The following DDX42 variants were observed in gnomAD, a reference collection of about 807,000 sequenced individuals.
The protein encoded by DDX42 is DEAD-box helicase 42, also known as ATP-dependent RNA helicase DDX42.
A neutral mutation model predicts 101.5 loss-of-function variants in DDX42; 22 were observed. The ratio of observed to expected loss-of-function variants is 0.22; its 90% CI spans 0.15 to 0.31. The LOEUF (loss-of-function observed/expected upper bound fraction) is 0.31, where lower values mean the gene tolerates loss of function less well. DDX42 is among the 10% of genes least tolerant of loss of function. The pLI is 1.00. For synonymous variants in DDX42, 402 were observed against 401.2 expected, an observed-to-expected ratio of 1.00 and a Z score of -0.02; for missense variants, 849 against 1,199.9, an observed-to-expected ratio of 0.71 and a Z score of 4.32.
chr17:63,797,352 C>A (rs1402687704), intron 3 of DDX42, among the ~76,000 whole-genome samples: 438 of 99,748 alleles, frequency 4.4e-3, no homozygotes, highest in Middle Eastern at 5.1e-3. Flanking sequence ...AACTCCATCT[C>A]AAAAAAAAAA....
chr17:63,808,473 C>T (rs1213975741), intron 9 of DDX42, among the ~76,000 whole-genome samples: 1 of 152,098 alleles, frequency 6.6e-6, no homozygotes, highest in Non-Finnish European at 1.5e-5. Flanking sequence ...TGTGCCCGGC[C>T]AGAACTACTT....
Position 63,806,553 on chromosome 17 carries a change from C to G in DDX42, c.745C>G (p.Pro249Ala). 6.2e-7 allele frequency: 1 copy of G among 1,613,236 alleles called. No homozygotes were observed. Among genetic ancestry groups the G allele is most frequent in the African/African-American group, 1.3e-5 (1 of 74,984 alleles). The change falls in exon 8 of 18, where the codon CCT (proline) becomes GCT (alanine). Residue 249 changes from proline to alanine, a missense_variant. Pro to Ala is a conservative substitution (Grantham distance 27). This residue lies in a region of DDX42 where 370 missense variants were observed against 608.8 expected (regional missense o/e 0.61). Coordinates refer to ENST00000389924, the MANE Select transcript of DDX42 (RefSeq NM_203499.3). ...TCTCTAGGTCTCTGGTGCTGCACCT[C>G]CTAGACCAGGAAGTAGCTTTGCTCA... ...LNLRVSGAAP[P>A]RPGSSFAHFG...
chr17:63,801,506 A>C (rs2039769259), intron 6 of DDX42, among the ~76,000 whole-genome samples: 1 of 151,724 alleles, frequency 6.6e-6, no homozygotes, highest in Non-Finnish European at 1.5e-5. Flanking sequence ...GGTGCACACC[A>C]CTGTACCTGG....
chr17:63,794,063 T>C (rs2039662375), intron 3 of DDX42, among the ~76,000 whole-genome samples: 1 of 152,036 alleles, frequency 6.6e-6, no homozygotes. Context: ...CCAAAATCTG[T>C]CAATCTTTAT....
Position 63,774,240 on chromosome 17 carries a change from T to TGGTGGCGGC in DDX42, c.-150_-142dup, listed in dbSNP as rs1206315100. The TGGTGGCGGC allele has an allele frequency of 1.0e-5, 2 of 190,892 alleles. No individual in the cohort carries two copies. Among genetic ancestry groups the TGGTGGCGGC allele is most frequent in the African/African-American group, 2.3e-4 (2 of 8,554 alleles). 11.8% of individuals were successfully genotyped at this position (190,892 alleles called of 1,614,324 possible). The stretch of plus-strand genomic sequence containing the variant: ...GTGGCGGTGGCGGCGGCGGTGGTGG[T>TGGTGGCGGC]GGTGGCGGCGGCGGCGGCGAAGGGG... On this transcript the variant is annotated 5_prime_UTR_variant, in exon 1 of 18. Transcript: ENST00000389924.
At chr17:63,791,269 TAAG>T (rs1031740911) in intron 2 of DDX42, among the ~76,000 whole-genome samples, 1 of 152,328 alleles carries the variant, frequency 6.6e-6, no homozygotes, top group African/African-American at 2.4e-5. Context: ...TCTGAATACT[TAAG>T]TAGTATCTTA....
intron 1 of DDX42, among the ~76,000 whole-genome samples, chr17:63,785,536 AGG>A (rs34435849): frequency 6.7e-5 from 10 of 148,950 alleles, no homozygotes; most frequent in Non-Finnish European, 1.5e-4. Context: ...CAGATGTGAG[AGG>A]GGGGGGTCTC....
chr17:63,786,226 C>T (rs2039545842), intron 1 of DDX42, among the ~76,000 whole-genome samples: 1 of 152,008 alleles, frequency 6.6e-6, no homozygotes, highest in South Asian at 2.1e-4. Context: ...ACAATGTCAA[C>T]TTTTGTGGGT....
At position 63,813,224 on chromosome 17, in the gene DDX42, T is replaced by G; in HGVS notation, c.1676-4T>G. ...TAAAAGAATTTGGTTGCTTTTTATT[T>G]CAGCCCGTGGTCTGGACATTCCTTC... On this transcript the variant is annotated splice_region_variant and splice_polypyrimidine_tract_variant and intron_variant, in intron 14 of 17. Transcript: ENST00000389924. 1 of 1,585,204 alleles carries G rather than the reference T, an allele frequency of 6.3e-7. No individual in the cohort carries two copies. The highest frequency in any genetic ancestry group is 8.6e-7 in the Non-Finnish European group (1 of 1,161,484).
chr17:63,780,573 A>C (rs1354161116), intron 1 of DDX42, among the ~76,000 whole-genome samples: 1 of 152,208 alleles, frequency 6.6e-6, no homozygotes, highest in African/African-American at 2.4e-5. Context: ...CATAGAGCTA[A>C]CATTCTACTC....
chr17:63,813,141 G>A, intron 14 of DDX42, 87 bp from the exon 15 acceptor site: 1 of 1,261,828 alleles, frequency 7.9e-7, no homozygotes, highest in East Asian at 2.5e-5. Context: ...TAAAGGAAAT[G>A]TGGCTTATTA....
intron 1 of DDX42, chr17:63,774,594 T>G: frequency 6.4e-6 from 1 of 155,864 alleles, no homozygotes; most frequent in Non-Finnish European, 1.4e-5. Context: ...CAGCTCCCGC[T>G]TCCCTCACAA....
In DDX42 at chr17:63,787,178, C is replaced by A; in HGVS notation, c.129C>A (p.Ser43Arg). The change falls in exon 2 of 18, where the codon AGC becomes AGA. Residue 43 changes from serine to arginine, a missense_variant. Ser to Arg is a moderately radical substitution (Grantham distance 110). Transcript: ENST00000389924. ...CCCACAGTGCCTTTGGGGCAACCAG[C>A]TCTTCTTCTGGATTTGGAAAGTCAG... ...QQSHSAFGAT[S>R]SSSGFGKSAP... The A allele has an allele frequency of 6.2e-7, 1 of 1,614,166 alleles. No homozygotes were observed. The highest frequency in any genetic ancestry group is 2.2e-5 in the East Asian group (1 of 44,884).
At chr17:63,808,402 G>A (rs2039868629) in intron 9 of DDX42, among the ~76,000 whole-genome samples, 1 of 152,140 alleles carries the variant, frequency 6.6e-6, no homozygotes, top group Admixed American at 6.5e-5. Context: ...TCAAACTCCT[G>A]ACCTCAAGTG....
chr17:63,784,296 T>C (rs2144530460), intron 1 of DDX42, among the ~76,000 whole-genome samples: 1 of 152,342 alleles, frequency 6.6e-6, no homozygotes, highest in Admixed American at 6.5e-5. Context: ...TTAATTTTTC[T>C]TACTAATGGT....
intron 16 of DDX42, 43 bp downstream of exon 16, chr17:63,815,716 A>G (rs2144592026): frequency 1.5e-6 from 2 of 1,365,348 alleles, no homozygotes; most frequent in East Asian, 2.4e-5. Flanking sequence ...AGTTGGTCTC[A>G]TGTCCTGAAA....
Position 63,817,763 on chromosome 17 carries a change from G to A in DDX42, c.2182G>A (p.Ala728Thr). Residue 728 changes from alanine (A) to threonine (T), a missense_variant, in exon 18 of 18, where the codon GCA (alanine) becomes ACA (threonine). By Grantham distance (58) the Ala-to-Thr change is moderately conservative (BLOSUM62 0). Around this residue, in one of 5 missense-constraint regions of DDX42, gnomAD observed 300 missense variants for 304.9 expected, o/e 0.98. Coordinates refer to ENST00000389924, the MANE Select transcript of DDX42 (RefSeq NM_203499.3). ...GAAGGCTGGAAGTTCTGCTGCTGGG[G>A]CAAGTGGGTGGACTAGTGCAGGGAG... The part of the protein sequence containing the change: ...NQKAGSSAAG[A>T]SGWTSAGSLN... 6.2e-7 allele frequency: 1 copy of A among 1,614,194 alleles called. No homozygotes were observed.
In DDX42 at chr17:63,818,205, G is replaced by A. The variant is rs1455506009; in HGVS notation, c.2624G>A (p.Arg875Gln). ...GGSAGRHGEN[R>Q]GANDGRNGES... ...AGCGCAGGCCGGCATGGGGAGAACC[G>A]GGGTGCAAATGATGGTCGGAATGGG... is the stretch of plus-strand genomic sequence containing the variant. The change falls in exon 18 of 18, where the codon CGG becomes CAG. Residue 875 changes from arginine to glutamine, a missense_variant. Coordinates refer to ENST00000389924, the MANE Select transcript of DDX42 (RefSeq NM_203499.3). The A allele has an allele frequency of 1.2e-5, 20 of 1,613,896 alleles. No homozygotes were observed. The highest frequency in any genetic ancestry group is 4.5e-5 in the East Asian group (2 of 44,894).
chr17:63,795,492 C>T (rs996533623), intron 3 of DDX42, among the ~76,000 whole-genome samples: 11 of 150,934 alleles, frequency 7.3e-5, no homozygotes, highest in Non-Finnish European at 1.0e-4. Context: ...TACAGGTGCA[C>T]GGCACCACAC....
Sources: gnomAD v4.1 joint callset for allele counts (sites outside exome capture counted in the v4.1 genomes callset) on GRCh38, gnomAD v4.1.1 for gene constraint, gnomAD v4.1.1 regional missense constraint, MANE v1.5 for transcripts, NCBI Gene and HGNC (gene_info 2026-07-23, HGNC 2026-07-21) for gene names.